TDRD3: variants seen among roughly 807,000 people sequenced by gnomAD.
The protein encoded by TDRD3 is tudor domain containing 3.
Under a neutral mutation model 86.7 loss-of-function variants are expected in TDRD3, and 45 were observed. The ratio of observed to expected loss-of-function variants is 0.52; its 90% CI spans 0.41 to 0.67. TDRD3 has a LOEUF of 0.67. Ranked by LOEUF, TDRD3 falls within the 30% of genes least tolerant of loss-of-function variation. The pLI is 0.00. For missense variants in TDRD3, 814 were observed against 889.0 expected, an observed-to-expected ratio of 0.92 and a Z score of 1.07; for synonymous variants, 298 against 301.7, an observed-to-expected ratio of 0.99 and a Z score of 0.13.
chr13:60,490,273 T>A (rs1387995511), intron 7 of TDRD3, among the ~76,000 whole-genome samples: 1 of 152,128 alleles, frequency 6.6e-6, no homozygotes, highest in African/African-American at 2.4e-5. Flanking sequence ...GTCTGTTTAG[T>A]CCTCAAGATA....
chr13:60,412,932 C>A (rs1954400570), intron 1 of TDRD3, among the ~76,000 whole-genome samples: 1 of 151,952 alleles, frequency 6.6e-6, no homozygotes, highest in Non-Finnish European at 1.5e-5. Context: ...AAGATGCGTA[C>A]TTTAAAAGTT....
At chr13:60,426,355 G>A (rs1378122949) in intron 1 of TDRD3, among the ~76,000 whole-genome samples, 1 of 151,958 alleles carries the variant, frequency 6.6e-6, no homozygotes, top group Non-Finnish European at 1.5e-5. Flanking sequence ...GTTGAGAGAT[G>A]TACAACATGA....
chr13:60,510,036 G>A, intron 9 of TDRD3, 117 bp downstream of exon 9: 1 of 1,238,826 alleles, frequency 8.1e-7, no homozygotes, highest in Non-Finnish European at 1.1e-6. Context: ...ATTATGGTAA[G>A]TGGAAGGAAC....
rs535383598 is a variant in TDRD3 at position 60,458,446 on chromosome 13, A to G, written c.193-1934A>G. ...GGGGACGTAGAACTCCCAAAATTCC[A>G]TGAAGATGCCTAGTGACCTGTGTTG... On this transcript the variant is annotated intron_variant, in intron 3 of 13. Coordinates refer to ENST00000377881, the MANE Select transcript of TDRD3 (RefSeq NM_001146070.2). Among the ~76,000 whole-genome samples the G allele has an allele frequency of 1.4e-4, 22 of 152,344 alleles. No individual in the cohort carries two copies. The South Asian group carries it at 3.7e-3, about 26-fold the overall frequency.
chr13:60,417,285 G>A lies in TDRD3; in HGVS notation c.41+19880G>A, dbSNP rs1012075703. On this transcript the variant is annotated intron_variant, in intron 1 of 13. Coordinates refer to ENST00000377881, the MANE Select transcript of TDRD3 (RefSeq NM_001146070.2). ...CCTGCCTCAGCCTCCCAAAGTGCTC[G>A]GATTACAGGTGTGAGCCATTGTACT... Among the ~76,000 whole-genome samples, 5 of 151,854 alleles carry A rather than the reference G, an allele frequency of 3.3e-5. No individual in the cohort carries two copies. The East Asian group carries it at 5.8e-4, about 18-fold the overall frequency.
intron 1 of TDRD3, among the ~76,000 whole-genome samples, chr13:60,428,989 T>C (rs1002791181): frequency 1.3e-5 from 2 of 152,108 alleles, no homozygotes; most frequent in African/African-American, 4.8e-5. Context: ...TAGAAAAAAA[T>C]ATCTAATTTA....
chr13:60,512,848 T>C (rs540405384), intron 10 of TDRD3, among the ~76,000 whole-genome samples: 1 of 152,150 alleles, frequency 6.6e-6, no homozygotes, highest in Non-Finnish European at 1.5e-5. Flanking sequence ...TCTGTGGCTT[T>C]TCCAGGTAAA....
At chr13:60,396,313 G>A (rs73208049), upstream of TDRD3, 1 of 152,224 alleles carries the variant, frequency 6.6e-6, no homozygotes, top group East Asian at 1.9e-4. Flanking sequence ...AGAAGGTGGA[G>A]CAAACTTTTA....
intron 12 of TDRD3, among the ~76,000 whole-genome samples, chr13:60,538,639 A>G (rs985991845): frequency 1.3e-5 from 2 of 152,078 alleles, no homozygotes. Context: ...TCTATTTCCT[A>G]CCACTGTATG....
In TDRD3 at chr13:60,397,311, C is replaced by A; in HGVS notation, c.-54C>A. On this transcript the variant is annotated 5_prime_UTR_variant, in exon 1 of 14. Transcript: ENST00000377881. ...AAGGGGGGGGGTCTCAAGTAGGAGGCCTCCCCATCACCCCCACCCCAGCCC... is the reference window on the plus strand; with the variant it reads ...AAGGGGGGGGGTCTCAAGTAGGAGGACTCCCCATCACCCCCACCCCAGCCC... 1 of 961,456 alleles carries A rather than the reference C, an allele frequency of 1.0e-6. No homozygotes were observed. 59.6% of individuals were successfully genotyped at this position (961,456 alleles called of 1,614,324 possible).
intron 12 of TDRD3, among the ~76,000 whole-genome samples, chr13:60,564,864 TAA>T (rs1958413452): frequency 6.6e-6 from 1 of 152,048 alleles, no homozygotes; most frequent in Non-Finnish European, 1.5e-5. Flanking sequence ...GTGTGTTAAA[TAA>T]AGAGGAAAGA....
intron 3 of TDRD3, among the ~76,000 whole-genome samples, chr13:60,458,039 G>T (rs957007293): frequency 3.3e-5 from 5 of 152,112 alleles, no homozygotes; most frequent in Admixed American, 1.3e-4. Flanking sequence ...TTTTGGTGGA[G>T]CCACTATTTA....
At position 60,502,151 on chromosome 13, in the gene TDRD3, C is replaced by A. The variant is rs950617994; in HGVS notation, c.858+7576C>A. ...CCTTAGTTTTATCTTCCCAAATGAACCTCTGGGTTATGGGCACCCTACTCA... is the reference window on the plus strand; with the variant it reads ...CCTTAGTTTTATCTTCCCAAATGAAACTCTGGGTTATGGGCACCCTACTCA... On this transcript the variant is annotated intron_variant, in intron 8 of 13. Transcript: ENST00000377881. Among the ~76,000 whole-genome samples, 5 of 152,114 alleles carry A rather than the reference C, an allele frequency of 3.3e-5. No individual in the cohort carries two copies. The East Asian group carries it at 5.8e-4, about 18-fold the overall frequency.
intron 3 of TDRD3, among the ~76,000 whole-genome samples, chr13:60,448,876 T>C (rs1955467533): frequency 6.6e-6 from 1 of 152,198 alleles, no homozygotes; most frequent in Non-Finnish European, 1.5e-5. Flanking sequence ...AAATACAGAT[T>C]AGTTTCAAAA....
At chr13:60,541,608 G>C (rs930941872) in intron 12 of TDRD3, among the ~76,000 whole-genome samples, 1 of 146,468 alleles carries the variant, frequency 6.8e-6, no homozygotes, top group African/African-American at 2.5e-5. Context: ...TAATTAAGAA[G>C]TATATTTATG....
chr13:60,446,984 G>C (rs1471797752), intron 3 of TDRD3, among the ~76,000 whole-genome samples: 1 of 152,106 alleles, frequency 6.6e-6, no homozygotes, highest in African/African-American at 2.4e-5. Context: ...CTGTGCATAA[G>C]ATACAGGACA....
intron 10 of TDRD3, among the ~76,000 whole-genome samples, chr13:60,519,078 G>A (rs1306001237): frequency 6.6e-6 from 1 of 151,634 alleles, no homozygotes; most frequent in African/African-American, 2.4e-5. Flanking sequence ...TACTTTTTTT[G>A]GTACTTGGAT....
At chr13:60,571,253 T>G (rs1182402958) in intron 13 of TDRD3, among the ~76,000 whole-genome samples, 2 of 152,224 alleles carry the variant, frequency 1.3e-5, no homozygotes, top group Non-Finnish European at 2.9e-5. Flanking sequence ...TGAAGTAGAA[T>G]GAAATATCTC....
At chr13:60,542,048 A>T (rs1419420012) in intron 12 of TDRD3, among the ~76,000 whole-genome samples, 2 of 151,988 alleles carry the variant, frequency 1.3e-5, no homozygotes, top group African/African-American at 4.8e-5. Context: ...ATTCTTAAGG[A>T]AGCATCATCG....
Sources: gnomAD v4.1 joint callset for allele counts (sites outside exome capture counted in the v4.1 genomes callset) on GRCh38, gnomAD v4.1.1 for gene constraint, MANE v1.5 for transcripts, NCBI Gene and HGNC (gene_info 2026-07-23, HGNC 2026-07-21) for gene names.